WWOX: variants seen among roughly 807,000 people sequenced by gnomAD.
The protein encoded by WWOX is WW domain containing oxidoreductase, also known as WW domain-containing oxidoreductase.
In WWOX, 69 loss-of-function variants were observed where a neutral mutation model predicts 46.2. The observed-to-expected ratio is 1.49, with a 90% CI of 1.23 to 1.82. The LOEUF is 1.82. Among genes scored for constraint, WWOX ranks in the 40% most tolerant of loss-of-function variants. The pLI, the probability that WWOX is intolerant of heterozygous loss-of-function variation, is 0.00. For synonymous variants in WWOX, 359 were observed against 202.6 expected (o/e 1.77, Z -6.56); for missense variants, 919 against 542.6 (o/e 1.69, Z -6.89).
intron 8 of WWOX, among the ~76,000 whole-genome samples, chr16:78,626,097 G>T (rs1226398965): frequency 6.6e-6 from 1 of 151,212 alleles, no homozygotes; most frequent in Non-Finnish European, 1.5e-5. Context: ...ACTTTTTTGT[G>T]TTCCAGGAGC....
intron 8 of WWOX, among the ~76,000 whole-genome samples, chr16:79,179,899 T>G (rs889668307): frequency 2.0e-5 from 3 of 152,206 alleles, no homozygotes; most frequent in Non-Finnish European, 2.9e-5. Context: ...TAGGTTGGAA[T>G]TACAGCATAG....
At chr16:78,460,955 A>G (rs565071816) in intron 8 of WWOX, among the ~76,000 whole-genome samples, 2 of 151,556 alleles carry the variant, frequency 1.3e-5, no homozygotes, top group East Asian at 3.9e-4. Flanking sequence ...GGTATCAGTA[A>G]TGTTGATTAC....
At chr16:78,449,753 A>T (rs1398632479) in intron 8 of WWOX, among the ~76,000 whole-genome samples, 3 of 152,186 alleles carry the variant, frequency 2.0e-5, no homozygotes, top group Non-Finnish European at 4.4e-5. Flanking sequence ...ACTGGTAGAT[A>T]ATGTATCCTA....
At chr16:78,883,295 G>A (rs1027324383) in intron 8 of WWOX, among the ~76,000 whole-genome samples, 4 of 152,174 alleles carry the variant, frequency 2.6e-5, no homozygotes, top group African/African-American at 4.8e-5. Flanking sequence ...ACGCAGTAAC[G>A]TAGAGATGAA....
At chr16:78,158,023 C>T (rs924306317) in intron 4 of WWOX, among the ~76,000 whole-genome samples, 4 of 152,184 alleles carry the variant, frequency 2.6e-5, no homozygotes, top group African/African-American at 9.7e-5. Context: ...GGGTTCAAGG[C>T]GTGACCTTAG....
At chr16:78,948,311 A>G (rs1482197502) in intron 8 of WWOX, among the ~76,000 whole-genome samples, 1 of 152,148 alleles carries the variant, frequency 6.6e-6, no homozygotes, top group Non-Finnish European at 1.5e-5. Flanking sequence ...GTCTCACCAA[A>G]GAACTTCTTG....
At chr16:78,461,797 A>G (rs2083957102) in intron 8 of WWOX, among the ~76,000 whole-genome samples, 1 of 152,190 alleles carries the variant, frequency 6.6e-6, no homozygotes, top group Admixed American at 6.5e-5. Context: ...GGGCTGGAGC[A>G]GTTTTTAATA....
At chr16:79,029,036 C>A (rs1422686896) in intron 8 of WWOX, among the ~76,000 whole-genome samples, 12 of 149,094 alleles carry the variant, frequency 8.0e-5, no homozygotes, top group African/African-American at 2.1e-4. Context: ...TGAGGATGAC[C>A]TGCCAAAGGG....
chr16:78,143,536 A>G (rs963447168), intron 4 of WWOX, among the ~76,000 whole-genome samples: 8 of 152,178 alleles, frequency 5.3e-5, no homozygotes, highest in African/African-American at 1.9e-4. Flanking sequence ...ACATCATAAC[A>G]GCAGAATTGA....
At chr16:79,162,705 C>G (rs1191094699) in intron 8 of WWOX, among the ~76,000 whole-genome samples, 1 of 152,174 alleles carries the variant, frequency 6.6e-6, no homozygotes, top group Non-Finnish European at 1.5e-5. Flanking sequence ...CACCGCCTTC[C>G]TGAGTCCCCA....
chr16:78,818,733 A>T lies in WWOX; in HGVS notation c.1056+385981A>T, dbSNP rs557302805. On this transcript the variant is annotated intron_variant, in intron 8 of 8. Transcript: ENST00000566780. ...GTTTTGAGTGCTGCCTCTACCATGT[A>T]ACTAGCTTGCCAGTCAAGTCATTAA... Among the ~76,000 whole-genome samples, 3 of 152,320 alleles carry T rather than the reference A, an allele frequency of 2.0e-5. No individual in the cohort carries two copies. In the East Asian group the frequency reaches 5.8e-4, roughly 29 times the overall value.
intron 8 of WWOX, chr16:79,016,424 TC>T (rs2047413995): frequency 6.8e-6 from 1 of 148,026 alleles, no homozygotes; most frequent in African/African-American, 2.4e-5. Context: ...TTTTTCCTTT[TC>T]TTTTTCTTTT....
intron 8 of WWOX, among the ~76,000 whole-genome samples, chr16:78,467,996 G>T (rs181693174): frequency 1.3e-5 from 2 of 152,200 alleles, no homozygotes; most frequent in East Asian, 1.9e-4. Context: ...GGGATGGGGG[G>T]TTCCACTGGT....
chr16:78,293,518 T>C (rs2069331687), intron 5 of WWOX, among the ~76,000 whole-genome samples: 1 of 152,180 alleles, frequency 6.6e-6, no homozygotes. Flanking sequence ...ATCACTTGTC[T>C]TCTCCTCTGA....
At position 79,150,752 on chromosome 16, in the gene WWOX, C is replaced by A. The variant is rs141356655; in HGVS notation, c.1057-60856C>A. On this transcript the variant is annotated intron_variant, in intron 8 of 8. Transcript: ENST00000566780. ...GAACTCCTGGACTCAAGTGACTTTA[C>A]CCCTTTGGCCTCCTGGGTAGCCGGG... is the stretch of plus-strand genomic sequence containing the variant. Among the ~76,000 whole-genome samples the A allele has an allele frequency of 1.2e-4, 19 of 152,280 alleles. No homozygotes were observed. In the East Asian group the frequency reaches 3.3e-3, roughly 26 times the overall value.
intron 8 of WWOX, among the ~76,000 whole-genome samples, chr16:79,064,637 C>G (rs145994925): frequency 2.0e-5 from 3 of 152,282 alleles, no homozygotes; most frequent in East Asian, 1.9e-4. Context: ...AGCCGTCCAT[C>G]CGGCACTGCC....
intron 8 of WWOX, among the ~76,000 whole-genome samples, chr16:78,483,471 G>C (rs1367226820): frequency 6.8e-6 from 1 of 147,032 alleles, no homozygotes; most frequent in African/African-American, 2.5e-5. Context: ...AGCAAAGGAA[G>C]TAAGTGACAC....
chr16:78,720,567 C>T (rs1035151269), intron 8 of WWOX, among the ~76,000 whole-genome samples: 7 of 151,454 alleles, frequency 4.6e-5, no homozygotes, highest in African/African-American at 1.2e-4. Context: ...CTGTGAGAGA[C>T]AGAGCCAGAT....
intron 8 of WWOX, among the ~76,000 whole-genome samples, chr16:79,063,372 T>G (rs2048388219): frequency 6.6e-6 from 1 of 152,196 alleles, no homozygotes. Context: ...CCCCATCACA[T>G]CACAACAGGC....
Sources: allele counts gnomAD v4.1 joint callset (sites outside exome capture counted in the v4.1 genomes callset), GRCh38; gene constraint gnomAD v4.1.1; transcripts MANE v1.5; gene names NCBI Gene and HGNC (gene_info 2026-07-23, HGNC 2026-07-21).